Variants in NYX observed in about 807,000 individuals in gnomAD.
The protein encoded by NYX is nyctalopin.
For missense variants in NYX, 481 were observed against 485.4 expected (o/e 0.99, Z 0.09); for synonymous variants, 258 against 245.7 (o/e 1.05, Z -0.47).
intron 2 of NYX, among the ~76,000 whole-genome samples, chrX:41,468,101 T>A (rs2064347055): frequency 1.8e-5 from 2 of 111,934 alleles, no homozygotes; most frequent in South Asian, 7.3e-4. Flanking sequence ...CTAATCTATT[T>A]TTTGAAATAG....
chrX:41,447,588 G>T, intron 1 of NYX, 72 bp downstream of exon 1: 1 of 366,954 alleles, frequency 2.7e-6, no homozygotes, highest in South Asian at 3.9e-5. Flanking sequence ...TTCCTTGCTG[G>T]GTTGTCAGTG....
At chrX:41,468,561 G>A (rs746271360) in intron 2 of NYX, among the ~76,000 whole-genome samples, 4 of 112,162 alleles carry the variant, frequency 3.6e-5, no homozygotes, top group Non-Finnish European at 7.5e-5. Context: ...AAAGTGCTGG[G>A]ATTGCAGGCA....
chrX:41,448,703 C>T (rs2064268204), intron 2 of NYX, among the ~76,000 whole-genome samples: 1 of 105,658 alleles, frequency 9.5e-6, no homozygotes, highest in Admixed American at 1.0e-4. Context: ...GAACTATAGG[C>T]ACCTGCCACC....
In NYX at chrX:41,473,781, C is replaced by T. The variant is rs763376131; in HGVS notation, c.313C>T (p.Pro105Ser). The change falls in exon 3 of 3, where the codon CCG becomes TCG. Residue 105 changes from proline (P) to serine (S), a missense_variant. Coordinates refer to ENST00000378220, the MANE Select transcript of NYX (RefSeq NM_001378477.3). ...CACGCCCGGCGCCTTCAAGGGCCTG[C>T]CGCGCCTGGCTGAGCTGCGCCTGGC... ...FITPGAFKGL[P>S]RLAELRLAHN... The T allele has an allele frequency of 2.6e-6, 3 of 1,137,457 alleles. No homozygotes were observed. Among genetic ancestry groups the T allele is most frequent in the African/African-American group, 1.9e-5 (1 of 53,312 alleles). 93.7% of individuals were successfully genotyped at this position (1,137,457 alleles called of 1,213,427 possible). A position where few individuals can be genotyped will look rare whatever the true frequency, so the allele number is the denominator to read the frequency against.
In NYX at chrX:41,474,755, T is replaced by TG. The variant is rs2147026677; in HGVS notation, c.1293dup (p.Leu432AlafsTer56). On this transcript the variant is annotated frameshift_variant, in exon 3 of 3. Coordinates refer to ENST00000378220, the MANE Select transcript of NYX (RefSeq NM_001378477.3). LOFTEE classifies it low-confidence loss of function (END_TRUNC). ...CGGTGGAGGAGGCGGCCAACACCACTGGGGGGCTGGCCAACGCCTCCCTGT... is the reference window on the plus strand; with the variant it reads ...CGGTGGAGGAGGCGGCCAACACCACTGGGGGGGCTGGCCAACGCCTCCCTGT... The TG allele has an allele frequency of 8.4e-7, 1 of 1,191,388 alleles. No individual in the cohort carries two copies. The highest frequency in any genetic ancestry group is 1.1e-6 in the Non-Finnish European group (1 of 886,794).
At chrX:41,459,749 T>A (rs999440044) in intron 2 of NYX, among the ~76,000 whole-genome samples, 5 of 111,943 alleles carry the variant, frequency 4.5e-5, no homozygotes, top group African/African-American at 1.6e-4. Context: ...CTGAGTAGTA[T>A]TCTACTGTAC....
intron 2 of NYX, among the ~76,000 whole-genome samples, chrX:41,463,409 G>A (rs1423123628): frequency 1.0e-5 from 1 of 95,267 alleles, no homozygotes; most frequent in East Asian, 3.7e-4. Flanking sequence ...ATTAAGGTGA[G>A]AAATAGTAGT....
chrX:41,468,157 T>A, intron 2 of NYX, among the ~76,000 whole-genome samples: 1 of 111,958 alleles, frequency 8.9e-6, no homozygotes, highest in African/African-American at 3.2e-5. Context: ...AAAAGCAGTG[T>A]ACATTGAGAA....
In NYX at chrX:41,474,276, G is replaced by A; in HGVS notation, c.808G>A (p.Ala270Thr). 1.7e-6 allele frequency: 2 copies of A among 1,206,231 alleles called. No individual in the cohort carries two copies. The highest frequency in any genetic ancestry group is 2.2e-6 in the Non-Finnish European group (2 of 895,257). Reference protein sequence around the residue: ...ALDRVARAWFADLAELELLYL... With the variant: ...ALDRVARAWFTDLAELELLYL... ...GGACCGCGTGGCGCGCGCCTGGTTC[G>A]CTGACCTGGCCGAGCTCGAGCTGCT... is the stretch of plus-strand genomic sequence containing the variant. Residue 270 changes from alanine to threonine, a missense_variant, in exon 3 of 3, where the codon GCT (alanine) becomes ACT (threonine). Physicochemically the swap from Ala to Thr is moderately conservative, Grantham distance 58. Transcript: ENST00000378220.
intron 2 of NYX, among the ~76,000 whole-genome samples, chrX:41,470,007 G>A (rs1410539368): frequency 9.1e-6 from 1 of 110,492 alleles, no homozygotes; most frequent in Non-Finnish European, 1.9e-5. Flanking sequence ...ACTGGTGAAT[G>A]GAACTTAACT....
At chrX:41,449,636 G>A (rs1479987790) in intron 2 of NYX, among the ~76,000 whole-genome samples, 4 of 110,570 alleles carry the variant, frequency 3.6e-5, no homozygotes, top group Non-Finnish European at 3.8e-5. Context: ...GCTTCCAACA[G>A]CCAGTATCAT....
At chrX:41,471,835 T>A (rs201944023) in intron 2 of NYX, among the ~76,000 whole-genome samples, 1,433 of 20,799 alleles carry the variant, frequency 0.069, 18 homozygotes, top group East Asian at 0.24. Flanking sequence ...ATATATGTAT[T>A]TTTTTTTTTT....
chrX:41,474,221 G>A lies in NYX; in HGVS notation c.753G>A (p.Leu251=), dbSNP rs974540920. The change falls in exon 3 of 3, where the codon CTG becomes CTA. Residue 251 remains leucine, a synonymous_variant. Coordinates refer to ENST00000378220, the MANE Select transcript of NYX (RefSeq NM_001378477.3). ...PADAFRGLRR[L]RTLNLGGNAL... is the part of the protein sequence containing the mutation. ...ACGCCTTCCGCGGCCTGCGGCGCCT[G>A]CGCACGCTCAACCTGGGTGGCAACG... is the stretch of plus-strand genomic sequence containing the variant. 49 of 1,193,363 alleles carry A rather than the reference G, an allele frequency of 4.1e-5. No homozygotes were observed. The highest frequency in any genetic ancestry group is 5.2e-5 in the Non-Finnish European group (46 of 891,262).
chrX:41,473,930 G>A lies in NYX; in HGVS notation c.462G>A (p.Pro154=). ...CCGAGCGCCTCCTGGCCGAACTGCC[G>A]GCCCTGCGCGAACTCGCCGCCTTCG... The part of the protein sequence containing the change: ...SVPERLLAEL[P]ALRELAAFDN... Residue 154 remains proline, a synonymous_variant, in exon 3 of 3, where the codon CCG becomes CCA. Coordinates refer to ENST00000378220, the MANE Select transcript of NYX (RefSeq NM_001378477.3). The A allele has an allele frequency of 9.0e-7, 1 of 1,112,970 alleles. No homozygotes were observed. The highest frequency in any genetic ancestry group is 1.2e-6 in the Non-Finnish European group (1 of 853,009). The allele number at this position is 1,112,970 out of a possible 1,213,427, so 91.7% of individuals were successfully genotyped here. A position where few individuals can be genotyped will look rare whatever the true frequency, so the allele number is the denominator to read the frequency against.
In NYX at chrX:41,474,680, C is replaced by G. The variant is rs187149252; in HGVS notation, c.1212C>G (p.Thr404=). The change falls in exon 3 of 3, where the codon ACC becomes ACG. Residue 404 remains threonine, a synonymous_variant. Transcript: ENST00000378220. ...CGTCCCCAGAACCAGCGGCCACCACCGTGAGCAGGTTCAGCAGCCTCCTCT... is the reference window on the plus strand; with the variant it reads ...CGTCCCCAGAACCAGCGGCCACCACGGTGAGCAGGTTCAGCAGCCTCCTCT... ...PGPSPEPAAT[T]VSRFSSLLSK... 4 of 1,197,326 alleles carry G rather than the reference C, an allele frequency of 3.3e-6. No homozygotes were observed. Among genetic ancestry groups the G allele is most frequent in the Non-Finnish European group, 4.5e-6 (4 of 889,904 alleles).
At chrX:41,451,599 C>T (rs779482017) in intron 2 of NYX, among the ~76,000 whole-genome samples, 8 of 110,234 alleles carry the variant, frequency 7.3e-5, no homozygotes, top group South Asian at 7.8e-4. Flanking sequence ...CTGCAACCTC[C>T]GCCTCCCGGG....
Position 41,454,763 on chromosome X carries a change from C to T in NYX, c.22+6837C>T, listed in dbSNP as rs149559243. Among the ~76,000 whole-genome samples the T allele has an allele frequency of 2.6e-3, 293 of 110,981 alleles. 1 individual carries two copies. The highest frequency in any genetic ancestry group is 8.0e-3 in the South Asian group (21 of 2,619). On this transcript the variant is annotated intron_variant, in intron 2 of 2. Transcript: ENST00000378220. The stretch of plus-strand genomic sequence containing the variant: ...CTAGGAGTACAGGTGTGCATCACCA[C>T]GCCTGGCTAATTTTTGTATTTTTTG...
chrX:41,468,909 GC>G (rs2064350019), intron 2 of NYX, among the ~76,000 whole-genome samples: 2 of 111,511 alleles, frequency 1.8e-5, no homozygotes, highest in African/African-American at 6.5e-5. Context: ...TGTCTCCCCA[GC>G]CCAGCAGCAG....
intron 2 of NYX, 60 bp from the exon 3 acceptor site, chrX:41,473,431 G>A (rs1045855866): frequency 3.3e-6 from 3 of 918,695 alleles, no homozygotes; most frequent in African/African-American, 2.1e-5. Context: ...TTTGGCTGAC[G>A]GTTGCTCCTT....
Sources: gnomAD v4.1 joint callset for allele counts (sites outside exome capture counted in the v4.1 genomes callset) on GRCh38, gnomAD v4.1.1 for gene constraint, MANE v1.5 for transcripts, NCBI Gene and HGNC (gene_info 2026-07-23, HGNC 2026-07-21) for gene names.